Variants in SH3RF2 observed in about 807,000 individuals in gnomAD.
SH3RF2 encodes the protein SH3 domain containing ring finger 2, also known as E3 ubiquitin-protein ligase SH3RF2.
In SH3RF2, 43 loss-of-function variants were observed where a neutral mutation model predicts 59.0. The observed-to-expected ratio is 0.73, with a 90% confidence interval of 0.57 to 0.94. The LOEUF (loss-of-function observed/expected upper bound fraction) is 0.94. Ranked by LOEUF, SH3RF2 falls within the 40% of genes least tolerant of loss-of-function variation. The pLI is 0.00. For missense variants in SH3RF2, 930 were observed against 940.1 expected (o/e 0.99, Z 0.14); for synonymous variants, 391 against 391.5 (o/e 1.00, Z 0.01).
In SH3RF2 at chr5:146,023,110, G is replaced by A. The variant is rs1318659320; in HGVS notation, c.1059+9049G>A. 1.3e-5 allele frequency among the ~76,000 whole-genome samples: 2 copies of A among 151,316 alleles called. 1 individual carries two copies. Among genetic ancestry groups the A allele is most frequent in the Admixed American group, 1.3e-4 (2 of 15,186 alleles). ...ACCATCTATACATTAAAAAAACAAA[G>A]TCACTTGCCCTTTTGAATTTTCCAA... On this transcript the variant is annotated intron_variant, in intron 5 of 9. Transcript: ENST00000359120.
At chr5:146,042,220 T>A (rs1021205030) in intron 5 of SH3RF2, among the ~76,000 whole-genome samples, 2 of 152,156 alleles carry the variant, frequency 1.3e-5, no homozygotes, top group Non-Finnish European at 2.9e-5. Flanking sequence ...GCAAGGTTGC[T>A]ACAGACACTC....
At chr5:146,060,259 T>C (rs1762841351) in intron 9 of SH3RF2, 35 bp downstream of exon 9, 2 of 1,548,700 alleles carry the variant, frequency 1.3e-6, no homozygotes, top group East Asian at 4.5e-5. Flanking sequence ...CCCAACTCTT[T>C]CGATCCCGTA....
chr5:146,061,501 G>A lies in SH3RF2; in HGVS notation c.1915-925G>A, dbSNP rs148195882. Among the ~76,000 whole-genome samples the A allele has an allele frequency of 8.5e-3, 1,296 of 152,276 alleles. 21 individuals are homozygous for A. Among genetic ancestry groups the A allele is most frequent in the African/African-American group, 0.03 (1,239 of 41,540 alleles). On this transcript the variant is annotated intron_variant, in intron 9 of 9. Coordinates refer to ENST00000359120, the MANE Select transcript of SH3RF2 (RefSeq NM_152550.4). Reference sequence around the variant, plus strand: ...TTCATAAATGCCCAGACCTTGGCTAGATATTAGGAGGATCAGAACGTATGA... The same window carrying A: ...TTCATAAATGCCCAGACCTTGGCTAAATATTAGGAGGATCAGAACGTATGA...
At chr5:145,953,985 C>A (rs1195836453) in intron 2 of SH3RF2, among the ~76,000 whole-genome samples, 1 of 152,056 alleles carries the variant, frequency 6.6e-6, no homozygotes, top group African/African-American at 2.4e-5. Context: ...TGATTCTATG[C>A]CTTTGCTATT....
intron 2 of SH3RF2, among the ~76,000 whole-genome samples, chr5:145,950,308 T>C (rs1020029785): frequency 2.6e-5 from 4 of 152,194 alleles, no homozygotes; most frequent in Non-Finnish European, 4.4e-5. Context: ...GACCGGTATG[T>C]TGTTCCCTTT....
chr5:145,996,858 A>T lies in SH3RF2; in HGVS notation c.379-3200A>T, dbSNP rs1760176066. Among the ~76,000 whole-genome samples, 3 of 152,316 alleles carry T rather than the reference A, an allele frequency of 2.0e-5. No homozygotes were observed. The South Asian group carries it at 6.2e-4, about 32-fold the overall frequency. ...TGTGTCATCTTATGCAAGTTAATAA[A>T]CCACTCTGTGTCTCTGTCACCCTAT... On this transcript the variant is annotated intron_variant, in intron 2 of 9. Coordinates refer to ENST00000359120, the MANE Select transcript of SH3RF2 (RefSeq NM_152550.4).
intron 2 of SH3RF2, among the ~76,000 whole-genome samples, chr5:145,992,599 GAAGGC>G (rs1263782551): frequency 1.2e-4 from 18 of 152,192 alleles, no homozygotes; most frequent in Admixed American, 9.8e-4. Flanking sequence ...AATCATGGCA[GAAGGC>G]AAGGAGGAGC....
At position 146,049,116 on chromosome 5, in the gene SH3RF2, A is replaced by G. The variant is rs755866307; in HGVS notation, c.1193A>G (p.Glu398Gly). ...TCCTACTCAGCCCATGGACCCGATG[A>G]GCTGGACCTGCAAAAGGGAGAAGGC... ...LHSYSAHGPDELDLQKGEGVR... is the reference protein window; with the variant it reads ...LHSYSAHGPDGLDLQKGEGVR... Residue 398 changes from glutamate (E) to glycine (G), a missense_variant, in exon 7 of 10, where the codon GAG becomes GGG. Coordinates refer to ENST00000359120, the MANE Select transcript of SH3RF2 (RefSeq NM_152550.4). 1 of 1,614,030 alleles carries G rather than the reference A, an allele frequency of 6.2e-7. No individual in the cohort carries two copies. Among genetic ancestry groups the G allele is most frequent in the Non-Finnish European group, 8.5e-7 (1 of 1,179,994 alleles).
intron 4 of SH3RF2, among the ~76,000 whole-genome samples, chr5:146,010,222 G>A (rs1361295196): frequency 6.6e-6 from 1 of 152,156 alleles, no homozygotes. Flanking sequence ...CCTTTTTTAT[G>A]GCTGCGTAGT....
intron 5 of SH3RF2, among the ~76,000 whole-genome samples, chr5:146,029,517 G>A (rs1228299889): frequency 6.6e-6 from 1 of 152,182 alleles, no homozygotes; most frequent in Non-Finnish European, 1.5e-5. Flanking sequence ...GAGACTCGGT[G>A]ATTCCATATC....
chr5:146,072,435 G>T (rs909716395), intron 9 of SH3RF2, among the ~76,000 whole-genome samples: 1 of 152,222 alleles, frequency 6.6e-6, no homozygotes, highest in Non-Finnish European at 1.5e-5. Context: ...CACTTTGGGA[G>T]GCTGAGGCAG....
rs1760336580 is a variant in SH3RF2, at chr5:146,000,043, T to G, written c.379-15T>G. Reference sequence around the variant, plus strand: ...CTAAGCTAAGTACATATCTTATTGGTCTGTGCCATTGCAGGTGCCTCGAGC... The same window carrying G: ...CTAAGCTAAGTACATATCTTATTGGGCTGTGCCATTGCAGGTGCCTCGAGC... On this transcript the variant is annotated splice_polypyrimidine_tract_variant and intron_variant, in intron 2 of 9. Coordinates refer to ENST00000359120, the MANE Select transcript of SH3RF2 (RefSeq NM_152550.4). 2 of 1,611,574 alleles carry G rather than the reference T, an allele frequency of 1.2e-6. No homozygotes were observed. The highest frequency in any genetic ancestry group is 8.5e-7 in the Non-Finnish European group (1 of 1,179,068).
At chr5:146,007,084 T>C (rs775978847) in intron 4 of SH3RF2, among the ~76,000 whole-genome samples, 2 of 152,186 alleles carry the variant, frequency 1.3e-5, no homozygotes, top group Non-Finnish European at 2.9e-5. Flanking sequence ...CGTGAAACAC[T>C]GGGTATCATT....
chr5:145,958,669 C>T (rs1333520663), intron 2 of SH3RF2, among the ~76,000 whole-genome samples: 1 of 152,152 alleles, frequency 6.6e-6, no homozygotes, highest in Admixed American at 6.5e-5. Context: ...TGGAACTTTC[C>T]AAGGTCACCC....
chr5:145,987,067 T>G lies in SH3RF2; in HGVS notation c.379-12991T>G, dbSNP rs1437725327. On this transcript the variant is annotated intron_variant, in intron 2 of 9. Transcript: ENST00000359120. The stretch of plus-strand genomic sequence containing the variant: ...AGGTAAAGAAGGAAAAGGGAGCCTA[T>G]GATGTCTTAGCATTCTACCAAAGAC... 2.0e-5 allele frequency among the ~76,000 whole-genome samples: 3 copies of G among 152,158 alleles called. 1 individual carries two copies. Among genetic ancestry groups the G allele is most frequent in the African/African-American group, 7.2e-5 (3 of 41,422 alleles).
At position 145,997,100 on chromosome 5, in the gene SH3RF2, A is replaced by G; in HGVS notation, c.379-2958A>G. On this transcript the variant is annotated intron_variant, in intron 2 of 9. Transcript: ENST00000359120. ...TTTGTTACACAGGTAAACTCGTATC[A>G]CGGGCATTTGTTGTGCAGGTTATTT... 3 of 601,362 alleles carry G rather than the reference A, an allele frequency of 5.0e-6. No homozygotes were observed. In the East Asian group the frequency reaches 8.6e-5, roughly 17 times the overall value. 37.3% of individuals were successfully genotyped at this position (601,362 alleles called of 1,614,324 possible).
intron 2 of SH3RF2, among the ~76,000 whole-genome samples, chr5:145,959,874 C>T (rs552427488): frequency 1.3e-5 from 2 of 152,000 alleles, no homozygotes; most frequent in Non-Finnish European, 2.9e-5. Context: ...CAGCATCACA[C>T]GGAGGTGGAG....
chr5:146,028,053 G>A (rs1028415641), intron 5 of SH3RF2, among the ~76,000 whole-genome samples: 1 of 152,064 alleles, frequency 6.6e-6, no homozygotes, highest in Non-Finnish European at 1.5e-5. Context: ...AACCCTGCCC[G>A]GGTGGAAAAG....
chr5:145,977,271 A>G (rs564619079), intron 2 of SH3RF2, among the ~76,000 whole-genome samples: 1 of 152,360 alleles, frequency 6.6e-6, no homozygotes, highest in Admixed American at 6.5e-5. Context: ...GTTCTGACAT[A>G]TATGGTTACT....
Sources: allele counts gnomAD v4.1 joint callset (sites outside exome capture counted in the v4.1 genomes callset), GRCh38; gene constraint gnomAD v4.1.1; transcripts MANE v1.5; gene names NCBI Gene and HGNC (gene_info 2026-07-23, HGNC 2026-07-21).